The following LNX2 variants were observed in gnomAD, a reference collection of about 807,000 sequenced individuals.
The protein encoded by LNX2 is ligand of numb-protein X 2.
In LNX2, 35 loss-of-function variants were observed where a neutral mutation model predicts 66.2. That is an observed-to-expected ratio of 0.53 (90% confidence interval 0.40 to 0.70). The LOEUF (loss-of-function observed/expected upper bound fraction) is 0.70. LNX2 is among the 30% of genes least tolerant of loss of function. The pLI is 0.00. For synonymous variants in LNX2, 337 were observed against 315.6 expected (o/e 1.07, Z -0.72); for missense variants, 791 against 850.8 (o/e 0.93, Z 0.87).
intron 2 of LNX2, among the ~76,000 whole-genome samples, chr13:27,574,282 T>C (rs1251826543): frequency 6.6e-6 from 1 of 152,092 alleles, no homozygotes; most frequent in African/African-American, 2.4e-5. Context: ...CCGTCTCTAC[T>C]AAAAATACAA....
chr13:27,560,565 G>GTGTGTATGTGTATATA (rs35007288), intron 5 of LNX2, among the ~76,000 whole-genome samples: 7 of 120,012 alleles, frequency 5.8e-5, no homozygotes, highest in South Asian at 2.6e-4. Flanking sequence ...ATGTATGTGT[G>GTGTGTATGTGTATATA]TATATATATA....
At chr13:27,614,413 G>C (rs1266878482) in intron 1 of LNX2, among the ~76,000 whole-genome samples, 1 of 152,088 alleles carries the variant, frequency 6.6e-6, no homozygotes, top group East Asian at 1.9e-4. Context: ...TCAGAGCATA[G>C]GAGTACCATT....
chr13:27,584,828 A>G (rs949814940), intron 1 of LNX2, among the ~76,000 whole-genome samples: 1 of 152,198 alleles, frequency 6.6e-6, no homozygotes, highest in Non-Finnish European at 1.5e-5. Flanking sequence ...ATAAAATAAT[A>G]CCAGCAAGGC....
chr13:27,610,158 T>C (rs575034377), intron 1 of LNX2, among the ~76,000 whole-genome samples: 2 of 152,348 alleles, frequency 1.3e-5, no homozygotes, highest in Admixed American at 6.5e-5. Flanking sequence ...ATGCTTGACA[T>C]ATTTAGTAGC....
At chr13:27,587,741 G>A (rs1301813751) in intron 1 of LNX2, among the ~76,000 whole-genome samples, 4 of 151,538 alleles carry the variant, frequency 2.6e-5, no homozygotes, top group Non-Finnish European at 5.9e-5. Context: ...CAGTGCTGTC[G>A]CCAGGCGCGG....
chr13:27,570,534 G>T (rs190424324), intron 2 of LNX2, among the ~76,000 whole-genome samples: 53 of 152,174 alleles, frequency 3.5e-4, no homozygotes, highest in African/African-American at 1.3e-3. Context: ...TAAGAAGGGG[G>T]ACAAATGGTT....
rs137932540 is a variant in LNX2, at chr13:27,581,923, G to A, written c.-100-120C>T. The stretch of plus-strand genomic sequence containing the variant: ...AGTAAAAAATTAAAGGTTGAATCAG[G>A]TAATAAATTAGTCATAAAAAAAGAA... On this transcript the variant is annotated intron_variant, in intron 1 of 9. Coordinates refer to ENST00000316334, the MANE Select transcript of LNX2 (RefSeq NM_153371.4). The A allele has an allele frequency of 1.2e-3, 449 of 385,680 alleles. 2 individuals carry two copies. In the East Asian group the frequency reaches 0.016, roughly 13 times the overall value. The allele number at this position is 385,680 out of a possible 1,614,324, so 23.9% of individuals were successfully genotyped here. A position where few individuals can be genotyped will look rare whatever the true frequency, so the allele number is the denominator to read the frequency against.
At chr13:27,573,547 C>G (rs957938821) in intron 2 of LNX2, among the ~76,000 whole-genome samples, 6 of 151,944 alleles carry the variant, frequency 3.9e-5, no homozygotes, top group Non-Finnish European at 8.8e-5. Flanking sequence ...GGGAATGACA[C>G]GTCCACAGAG....
At chr13:27,584,675 G>C (rs534199619) in intron 1 of LNX2, among the ~76,000 whole-genome samples, 2 of 152,252 alleles carry the variant, frequency 1.3e-5, no homozygotes, top group South Asian at 2.1e-4. Context: ...AACAAAGCGA[G>C]ACCCTGTCTC....
intron 1 of LNX2, among the ~76,000 whole-genome samples, chr13:27,601,064 G>C (rs1955653002): frequency 6.6e-6 from 1 of 152,140 alleles, no homozygotes; most frequent in Non-Finnish European, 1.5e-5. Context: ...TTCCTTCATA[G>C]CTCAATTTAT....
At chr13:27,582,507 A>T (rs1036038754) in intron 1 of LNX2, among the ~76,000 whole-genome samples, 3 of 152,226 alleles carry the variant, frequency 2.0e-5, no homozygotes, top group African/African-American at 7.2e-5. Flanking sequence ...TGTTTGAGGT[A>T]TATAATACAT....
intron 1 of LNX2, among the ~76,000 whole-genome samples, chr13:27,619,524 A>G (rs1202275793): frequency 1.3e-5 from 2 of 152,250 alleles, no homozygotes; most frequent in African/African-American, 4.8e-5. Context: ...GCTGGAGCTC[A>G]CAAGTGTTCC....
chr13:27,591,286 C>T (rs1285106954), intron 1 of LNX2, among the ~76,000 whole-genome samples: 2 of 152,168 alleles, frequency 1.3e-5, no homozygotes, highest in African/African-American at 4.8e-5. Context: ...TATCAAATAT[C>T]CCTGCAAAAT....
intron 1 of LNX2, among the ~76,000 whole-genome samples, chr13:27,591,374 C>CT (rs1157613730): frequency 6.6e-6 from 1 of 152,140 alleles, no homozygotes; most frequent in Non-Finnish European, 1.5e-5. Flanking sequence ...AGAGGCTGTA[C>CT]TATATGAAGC....
At chr13:27,578,668 T>C (rs114077361) in intron 2 of LNX2, among the ~76,000 whole-genome samples, 69 of 152,282 alleles carry the variant, frequency 4.5e-4, no homozygotes, top group African/African-American at 1.5e-3. Flanking sequence ...CCTGAGGCTG[T>C]CATGCTGGGA....
chr13:27,602,056 T>C (rs867953381), intron 1 of LNX2, among the ~76,000 whole-genome samples: 1 of 152,154 alleles, frequency 6.6e-6, no homozygotes, highest in Admixed American at 6.5e-5. Flanking sequence ...TATGACAGTA[T>C]GCATATCAAC....
Position 27,559,718 on chromosome 13 carries a change from CTTTT to C in LNX2, c.1368+120_1368+123del, listed in dbSNP as rs888369585. 5.4e-6 allele frequency: 5 copies of C among 917,804 alleles called. No individual in the cohort carries two copies. In the African/African-American group the frequency reaches 6.9e-5, roughly 13 times the overall value. The allele number at this position is 917,804 out of a possible 1,614,324, so 56.9% of individuals were successfully genotyped here. A position where few individuals can be genotyped will look rare whatever the true frequency, so the allele number is the denominator to read the frequency against. ...ACAGAATAACAACCCTCATTTGAAT[CTTTT>C]TTTTAAAAAAACTGCTTTATTGAGG... On this transcript the variant is annotated intron_variant, in intron 6 of 9. Coordinates refer to ENST00000316334, the MANE Select transcript of LNX2 (RefSeq NM_153371.4).
At chr13:27,617,702 ACT>A (rs1423669457) in intron 1 of LNX2, among the ~76,000 whole-genome samples, 4 of 152,122 alleles carry the variant, frequency 2.6e-5, no homozygotes, top group Non-Finnish European at 5.9e-5. Context: ...CTTTCTGTGA[ACT>A]CTTTTTCTTT....
At chr13:27,562,838 G>A (rs1035751803) in intron 4 of LNX2, 57 bp from the exon 5 acceptor site, 4 of 1,546,120 alleles carry the variant, frequency 2.6e-6, no homozygotes, top group Non-Finnish European at 3.5e-6. Flanking sequence ...CCAATTTGTA[G>A]GAATGTTTAT....
Sources: allele counts gnomAD v4.1 joint callset (sites outside exome capture counted in the v4.1 genomes callset), GRCh38; gene constraint gnomAD v4.1.1; transcripts MANE v1.5; gene names NCBI Gene and HGNC (gene_info 2026-07-23, HGNC 2026-07-21).